Variants in TMEM53 observed in about 807,000 individuals in gnomAD.
The protein encoded by TMEM53 is transmembrane protein 53, also known as novel DUF829 domain-containing protein.
TMEM53 carries 14 observed loss-of-function variants against 21.4 expected under a neutral mutation model. The observed-to-expected ratio is 0.65, with a 90% CI of 0.43 to 1.02. TMEM53 has a LOEUF of 1.02. Ranked by LOEUF, TMEM53 falls within the 50% of genes least tolerant of loss-of-function variation. TMEM53 has a pLI of 0.00. For synonymous variants in TMEM53, 148 were observed against 157.4 expected, an observed-to-expected ratio of 0.94 and a Z score of 0.45; for missense variants, 323 against 383.6, an observed-to-expected ratio of 0.84 and a Z score of 1.32.
At chr1:44,658,092 CCA>C (rs1430817049) in intron 2 of TMEM53, among the ~76,000 whole-genome samples, 2 of 152,090 alleles carry the variant, frequency 1.3e-5, no homozygotes, top group Admixed American at 1.3e-4. Flanking sequence ...GCAGATTCTG[CCA>C]CACCTTCCTG....
rs1222546282 is a variant in TMEM53 at position 44,654,689 on chromosome 1, C to T, written c.704G>A (p.Arg235His). ...ARDIERMVEA[R>H]LARRVLARSV... The stretch of plus-strand genomic sequence containing the variant: ...ACGCGCCAGGACCCGGCGTGCCAGG[C>T]GTGCCTCCACCATGCGTTCTATGTC... The change falls in exon 3 of 3, where the codon CGC becomes CAC. Residue 235 changes from arginine to histidine, a missense_variant. Arg to His is a conservative substitution (Grantham distance 29). This residue lies in a region of TMEM53 where 269 missense variants were observed against 334.5 expected (regional missense o/e 0.80). Coordinates refer to ENST00000372237, the MANE Select transcript of TMEM53 (RefSeq NM_024587.4). This position sits in a 1 kb window ranked among gnomAD's most constrained non-coding sequence, Gnocchi z 7.0. 3.1e-6 allele frequency: 5 copies of T among 1,614,002 alleles called. No individual in the cohort carries two copies. Among genetic ancestry groups the T allele is most frequent in the Non-Finnish European group, 4.2e-6 (5 of 1,180,036 alleles).
In TMEM53 at chr1:44,655,216, A is replaced by G; in HGVS notation, c.184-7T>C. The G allele has an allele frequency of 4.4e-6, 7 of 1,590,550 alleles. No homozygotes were observed. The highest frequency in any genetic ancestry group is 1.2e-5 in the South Asian group (1 of 86,572). Reference sequence around the variant, plus strand: ...ATCGGATTACGATGCAGCCCTGGGGAGAGAGGCCTGGTCAGTCCTCACAGA... The same window carrying G: ...ATCGGATTACGATGCAGCCCTGGGGGGAGAGGCCTGGTCAGTCCTCACAGA... On this transcript the variant is annotated splice_region_variant and splice_polypyrimidine_tract_variant and intron_variant, in intron 2 of 2. Coordinates refer to ENST00000372237, the MANE Select transcript of TMEM53 (RefSeq NM_024587.4). This position sits in a 1 kb window ranked among gnomAD's most constrained non-coding sequence, Gnocchi z 4.4.
At chr1:44,661,079 T>C (rs190313123) in intron 1 of TMEM53, among the ~76,000 whole-genome samples, 5 of 152,316 alleles carry the variant, frequency 3.3e-5, no homozygotes, top group Admixed American at 2.0e-4. Context: ...GCCACACTTA[T>C]CATTTACTTA....
chr1:44,663,388 C>T (rs1202917366), intron 1 of TMEM53, among the ~76,000 whole-genome samples: 2 of 152,098 alleles, frequency 1.3e-5, no homozygotes, highest in Non-Finnish European at 2.9e-5. Flanking sequence ...CTATAGGTGC[C>T]CACCACCACA....
At chr1:44,667,298 C>T (rs888216465) in intron 1 of TMEM53, among the ~76,000 whole-genome samples, 1 of 149,026 alleles carries the variant, frequency 6.7e-6, no homozygotes, top group Non-Finnish European at 1.5e-5. Flanking sequence ...ACTACACAAA[C>T]GCACACTTTT....
At chr1:44,659,856 T>C (rs1308598399) in intron 2 of TMEM53, among the ~76,000 whole-genome samples, 1 of 81,904 alleles carries the variant, frequency 1.2e-5, no homozygotes, top group Non-Finnish European at 2.2e-5. Flanking sequence ...CCTCACAGGC[T>C]TTTTTTTTTT....
chr1:44,656,139 C>A (rs779574849), intron 2 of TMEM53, among the ~76,000 whole-genome samples: 2 of 152,022 alleles, frequency 1.3e-5, no homozygotes, highest in African/African-American at 4.8e-5. Context: ...CAGACAGGTC[C>A]GGGTTCAACT....
intron 1 of TMEM53, among the ~76,000 whole-genome samples, chr1:44,669,672 G>C (rs1644981649): frequency 6.6e-6 from 1 of 152,128 alleles, no homozygotes; most frequent in Non-Finnish European, 1.5e-5. Flanking sequence ...ATAGAACATG[G>C]TTAACAGTGT....
chr1:44,658,810 C>T (rs1644873019), intron 2 of TMEM53, among the ~76,000 whole-genome samples: 1 of 152,182 alleles, frequency 6.6e-6, no homozygotes, highest in African/African-American at 2.4e-5. Context: ...CCTCAGCCTT[C>T]CAAAGTGCTG....
Position 44,662,970 on chromosome 1 carries a change from T to C in TMEM53, c.62-2675A>G, listed in dbSNP as rs146867694. On this transcript the variant is annotated intron_variant, in intron 1 of 2. Transcript: ENST00000372237. ...GGCAGGAATGACTCTTCACCCTCCA[T>C]GAAGGCGAAGAAACCCTCAGAATTC... 9.8e-5 allele frequency among the ~76,000 whole-genome samples: 15 copies of C among 152,336 alleles called. No homozygotes were observed. The South Asian group carries it at 1.9e-3, about 19-fold the overall frequency.
intron 2 of TMEM53, among the ~76,000 whole-genome samples, chr1:44,657,562 G>C (rs1275633693): frequency 6.6e-6 from 1 of 152,158 alleles, no homozygotes; most frequent in Non-Finnish European, 1.5e-5. Context: ...GTTTGAGACA[G>C]GGTCTCACTC....
chr1:44,673,922 G>C, intron 1 of TMEM53: 1 of 985,396 alleles, frequency 1.0e-6, no homozygotes, highest in Non-Finnish European at 1.2e-6. Context: ...GACCCCGCGA[G>C]CCTCCCCCTC....
At chr1:44,673,080 AAAT>A (rs1456731054) in intron 1 of TMEM53, among the ~76,000 whole-genome samples, 1 of 152,228 alleles carries the variant, frequency 6.6e-6, no homozygotes, top group Non-Finnish European at 1.5e-5. Flanking sequence ...TCTCCAAAGG[AAAT>A]AATATTAACT....
intron 1 of TMEM53, chr1:44,674,101 AGCAGCTGACTCGG>A: frequency 4.1e-6 from 4 of 985,396 alleles, no homozygotes; most frequent in Non-Finnish European, 4.8e-6. Flanking sequence ...GTCCCAAGCG[AGCAGCTGACTCGG>A]GCAGAGGCGG....
At chr1:44,667,889 G>A (rs6683133) in intron 1 of TMEM53, among the ~76,000 whole-genome samples, 84,867 of 151,876 alleles carry the variant, frequency 0.56, 24,197 homozygotes, top group Middle Eastern at 0.63. Flanking sequence ...ACCCCACAAA[G>A]CAATTTAATC....
chr1:44,673,476 T>G (rs1047312838), intron 1 of TMEM53, among the ~76,000 whole-genome samples: 4 of 152,192 alleles, frequency 2.6e-5, no homozygotes, highest in Non-Finnish European at 4.4e-5. Flanking sequence ...TTCAAGGCCC[T>G]TCTGCCAGAA....
At chr1:44,668,616 A>G (rs1327603232) in intron 1 of TMEM53, among the ~76,000 whole-genome samples, 1 of 151,940 alleles carries the variant, frequency 6.6e-6, no homozygotes, top group Non-Finnish European at 1.5e-5. Context: ...GTCATGGCTC[A>G]CTGCAGCCTC....
At chr1:44,674,041 A>C in intron 1 of TMEM53, 1 of 985,460 alleles carries the variant, frequency 1.0e-6, no homozygotes. Context: ...ATGAGAAGTG[A>C]TTAAAGGGCA....
intron 1 of TMEM53, among the ~76,000 whole-genome samples, chr1:44,672,155 A>AG: frequency 6.6e-6 from 1 of 152,296 alleles, no homozygotes; most frequent in South Asian, 2.1e-4. Context: ...GACAACCTCT[A>AG]GCTCTCCTCT....
Sources: allele counts gnomAD v4.1 joint callset (sites outside exome capture counted in the v4.1 genomes callset), GRCh38; gene constraint gnomAD v4.1.1; regional missense constraint gnomAD v4.1.1; non-coding constraint Gnocchi (gnomAD v3.1); transcripts MANE v1.5; gene names NCBI Gene and HGNC (gene_info 2026-07-23, HGNC 2026-07-21).